KRABD3: variants seen among roughly 807,000 people sequenced by gnomAD.
KRABD3 encodes the protein KRAB domain containing 3.
the KRABD3 span, chr7:149,715,350 G>T: frequency 1.7e-6 from 2 of 1,193,966 alleles, no homozygotes; most frequent in African/African-American, 3.2e-5. Context: ...CTCGGAGGCA[G>T]TGAGTAAATC....
At chr7:149,729,939 T>G in the KRABD3 span, 1 of 1,276,896 alleles carries the variant, frequency 7.8e-7, no homozygotes, top group African/African-American at 1.5e-5. Context: ...CCAGCAGACT[T>G]TCCAAAGCTG....
At chr7:149,724,309 G>A in the KRABD3 span, among the ~76,000 whole-genome samples, 2 of 152,280 alleles carry the variant, frequency 1.3e-5, no homozygotes, top group South Asian at 2.1e-4. Context: ...TTCGTGTTCC[G>A]TGCATGTCAC....
chr7:149,724,525 T>A, the KRABD3 span: 1 of 589,816 alleles, frequency 1.7e-6, no homozygotes, highest in Non-Finnish European at 2.7e-6. Flanking sequence ...GACAGCAGTC[T>A]GAGCCGGTGA....
At chr7:149,719,451 G>A in the KRABD3 span, 13 of 1,328,870 alleles carry the variant, frequency 9.8e-6, no homozygotes, top group African/African-American at 1.5e-5. This position sits in a 1 kb window ranked among gnomAD's most constrained non-coding sequence, Gnocchi z 5.6. Flanking sequence ...TGGAGTGTGC[G>A]CCTGGAGGCC....
At chr7:149,733,857 C>T in the KRABD3 span, 1 of 1,597,900 alleles carries the variant, frequency 6.3e-7, no homozygotes, top group Non-Finnish European at 8.5e-7. Context: ...GTGCCTGCTG[C>T]CTTACCCCTG....
At chr7:149,718,587 C>T in the KRABD3 span, among the ~76,000 whole-genome samples, 3 of 135,672 alleles carry the variant, frequency 2.2e-5, no homozygotes, top group Non-Finnish European at 3.0e-5. Context: ...GGCGTGATCT[C>T]GGCTCACTGC....
chr7:149,731,647 C>T, the KRABD3 span: 1 of 1,572,188 alleles, frequency 6.4e-7, no homozygotes. Flanking sequence ...CTCCCTGCCC[C>T]AAGGTCTCTG....
the KRABD3 span, chr7:149,723,063 CGCT>C: frequency 1.0e-6 from 1 of 975,946 alleles, no homozygotes; most frequent in Non-Finnish European, 1.4e-6. Context: ...CCAGCTTGGT[CGCT>C]GCTGTGTTGC....
At chr7:149,733,949 C>T in the KRABD3 span, 1 of 1,600,316 alleles carries the variant, frequency 6.2e-7, no homozygotes, top group South Asian at 1.1e-5. Flanking sequence ...CCCAGAGCGG[C>T]CCAAGGAGCC....
chr7:149,721,394 G>C, the KRABD3 span: 11 of 1,591,572 alleles, frequency 6.9e-6, no homozygotes, highest in Non-Finnish European at 9.4e-6. Flanking sequence ...TGCGGCAAGA[G>C]AGCCCTGCCC....
the KRABD3 span, chr7:149,722,986 C>T: frequency 4.6e-6 from 7 of 1,510,480 alleles, no homozygotes; most frequent in Non-Finnish European, 5.3e-6. Context: ...GCTGAGGTCT[C>T]TGAAGCTTGG....
At chr7:149,716,939 A>G in the KRABD3 span, among the ~76,000 whole-genome samples, 2 of 152,202 alleles carry the variant, frequency 1.3e-5, no homozygotes, top group African/African-American at 2.4e-5. Flanking sequence ...AGATGAGTTC[A>G]CTGAGGCCCA....
At chr7:149,728,305 G>A in the KRABD3 span, among the ~76,000 whole-genome samples, 115 of 152,318 alleles carry the variant, frequency 7.5e-4, no homozygotes, top group Non-Finnish European at 1.3e-3. Flanking sequence ...CATGACAGCC[G>A]CAGGCCAGGC....
chr7:149,716,009 C>T, the KRABD3 span, among the ~76,000 whole-genome samples: 22 of 152,294 alleles, frequency 1.4e-4, no homozygotes, highest in Admixed American at 5.2e-4. Context: ...CCTCACACTA[C>T]GTAGCTTCAT....
the KRABD3 span, among the ~76,000 whole-genome samples, chr7:149,717,072 G>A: frequency 0.062 from 9,436 of 152,172 alleles, 292 homozygotes; most frequent in Middle Eastern, 0.1. Context: ...CTCTGGGTCC[G>A]GAACCTCTTA....
At chr7:149,730,700 T>C in the KRABD3 span, 3 of 1,156,892 alleles carry the variant, frequency 2.6e-6, no homozygotes, top group Non-Finnish European at 2.4e-6. Flanking sequence ...GGCCGTGCTT[T>C]AGTTCCCTGT....
the KRABD3 span, chr7:149,722,589 G>A: frequency 2.5e-6 from 4 of 1,594,840 alleles, no homozygotes; most frequent in Non-Finnish European, 3.4e-6. Flanking sequence ...GGTAGCGATG[G>A]GGAAGTGTGT....
chr7:149,721,624 A>G, the KRABD3 span: 2 of 1,415,516 alleles, frequency 1.4e-6, no homozygotes, highest in Non-Finnish European at 9.7e-7. Context: ...TGCCCTCTTC[A>G]TTTTTTTCTA....
chr7:149,722,582 A>G, the KRABD3 span: 1 of 1,521,716 alleles, frequency 6.6e-7, no homozygotes, highest in Non-Finnish European at 8.9e-7. Flanking sequence ...TTAGTGGGGT[A>G]GCGATGGGGA....
Sources: gnomAD v4.1 joint callset for allele counts (sites outside exome capture counted in the v4.1 genomes callset) on GRCh38, gnomAD v4.1.1 for gene constraint, Gnocchi (gnomAD v3.1) non-coding constraint, MANE v1.5 for transcripts, NCBI Gene and HGNC (gene_info 2026-07-23, HGNC 2026-07-21) for gene names.